Variants in CCNY observed in about 807,000 individuals in gnomAD.
The protein encoded by CCNY is cyclin-Y.
In CCNY, 19 loss-of-function variants were observed where a neutral mutation model predicts 42.8. The ratio of observed to expected loss-of-function variants is 0.44; its 90% CI spans 0.31 to 0.65. CCNY has a LOEUF of 0.65. Ranked by LOEUF, CCNY falls within the 30% of genes least tolerant of loss-of-function variation. The pLI, the probability that CCNY is intolerant of heterozygous loss-of-function variation, is 0.07. For synonymous variants in CCNY, 165 were observed against 162.7 expected (o/e 1.01, Z -0.11); for missense variants, 370 against 437.3 (o/e 0.85, Z 1.37).
intron 1 of CCNY, among the ~76,000 whole-genome samples, chr10:35,448,824 C>T (rs555979910): frequency 2.2e-4 from 34 of 152,124 alleles, no homozygotes; most frequent in African/African-American, 7.5e-4. Context: ...TTTGAGCAGA[C>T]GTGCTCCTAA....
intron 1 of CCNY, among the ~76,000 whole-genome samples, chr10:35,362,631 A>C (rs1165370452): frequency 6.6e-6 from 1 of 152,198 alleles, no homozygotes; most frequent in Non-Finnish European, 1.5e-5. Flanking sequence ...GTAAACTTTA[A>C]TGTCAAAAAT....
intron 3 of CCNY, among the ~76,000 whole-genome samples, chr10:35,510,239 A>C (rs201060418): frequency 2.6e-5 from 4 of 152,090 alleles, no homozygotes; most frequent in Non-Finnish European, 4.4e-5. Flanking sequence ...TTGTGAGACA[A>C]GGTTTCACTC....
rs754871952 is a variant in CCNY, at chr10:35,458,761, C to G, written c.155-24643C>G. 3.9e-4 allele frequency among the ~76,000 whole-genome samples: 59 copies of G among 152,212 alleles called. 1 individual carries two copies. The highest frequency in any genetic ancestry group is 1.5e-4 in the Non-Finnish European group (10 of 68,038). ...GAATTGTGTGCACTGAAACTCTTAA[C>G]CACTGCTCCCACGCCTGCCCATGCG... On this transcript the variant is annotated intron_variant, in intron 1 of 9. Transcript: ENST00000374704.
At chr10:35,313,354 G>A (rs1835712257) in intron 3 of CCNY, among the ~76,000 whole-genome samples, 1 of 152,136 alleles carries the variant, frequency 6.6e-6, no homozygotes, top group Non-Finnish European at 1.5e-5. Context: ...TTATATTAAG[G>A]CACTGAAGTA....
At chr10:35,515,391 A>G in intron 3 of CCNY, among the ~76,000 whole-genome samples, 1 of 152,218 alleles carries the variant, frequency 6.6e-6, no homozygotes. Context: ...AACATTGTTT[A>G]TATATTTCTC....
chr10:35,554,908 A>C (rs1841332321), intron 8 of CCNY, among the ~76,000 whole-genome samples: 1 of 152,250 alleles, frequency 6.6e-6, no homozygotes, highest in Non-Finnish European at 1.5e-5. Flanking sequence ...GGTGTGGAGG[A>C]GATGCCTTTT....
intron 1 of CCNY, chr10:35,347,594 A>G (rs115121224): frequency 5.3e-6 from 1 of 187,298 alleles, no homozygotes; most frequent in African/African-American, 2.4e-5. Flanking sequence ...GTTATTAAGG[A>G]TATTTTGTTT....
rs561146164 is a variant in CCNY at position 35,561,330 on chromosome 10, T to G, written c.747-4693T>G. Among the ~76,000 whole-genome samples the G allele has an allele frequency of 4.6e-5, 7 of 152,372 alleles. No homozygotes were observed. The East Asian group carries it at 1.3e-3, about 29-fold the overall frequency. ...GGCTCCATCCTATCAAGGGCTGCCC[T>G]GCTGCATTTTTCTATAATCCCATCA... On this transcript the variant is annotated intron_variant, in intron 8 of 9. Coordinates refer to ENST00000374704, the MANE Select transcript of CCNY (RefSeq NM_145012.6).
At chr10:35,259,861 A>G (rs2095718307) in intron 3 of CCNY, among the ~76,000 whole-genome samples, 1 of 149,950 alleles carries the variant, frequency 6.7e-6, no homozygotes. Flanking sequence ...GGCTCTTCTT[A>G]AGGAAATTTT....
Position 35,454,208 on chromosome 10 carries a change from T to C in CCNY, c.155-29196T>C, listed in dbSNP as rs537123866. The stretch of plus-strand genomic sequence containing the variant: ...CTGCCCAACGGCACGCAACTACCAG[T>C]GGTCAAGCTCGGACACAGTCACTTC... On this transcript the variant is annotated intron_variant, in intron 1 of 9. Coordinates refer to ENST00000374704, the MANE Select transcript of CCNY (RefSeq NM_145012.6). Among the ~76,000 whole-genome samples the C allele has an allele frequency of 2.0e-5, 3 of 152,276 alleles. 1 individual carries two copies. In the South Asian group the frequency reaches 6.2e-4, roughly 32 times the overall value.
chr10:35,256,529 C>T (rs1463946161), intron 3 of CCNY, among the ~76,000 whole-genome samples: 4 of 151,928 alleles, frequency 2.6e-5, no homozygotes, highest in African/African-American at 4.8e-5. Flanking sequence ...GTCAGGAGTT[C>T]AAGACCAGCC....
intron 1 of CCNY, among the ~76,000 whole-genome samples, chr10:35,415,018 C>A (rs1837995441): frequency 6.6e-6 from 1 of 152,170 alleles, no homozygotes; most frequent in Admixed American, 6.5e-5. Context: ...GCGGAGGGAA[C>A]AGCAGGAGCA....
intron 7 of CCNY, among the ~76,000 whole-genome samples, chr10:35,542,603 G>T (rs1312427136): frequency 1.3e-5 from 2 of 152,160 alleles, no homozygotes; most frequent in African/African-American, 2.4e-5. Flanking sequence ...AGTGGGGTTG[G>T]GTCTCAGCCT....
intron 1 of CCNY, among the ~76,000 whole-genome samples, chr10:35,381,367 C>G (rs924232419): frequency 3.3e-5 from 5 of 151,902 alleles, no homozygotes; most frequent in Non-Finnish European, 7.4e-5. Flanking sequence ...TGAGACCAGC[C>G]GGGCCAACAT....
intron 1 of CCNY, among the ~76,000 whole-genome samples, chr10:35,247,718 T>C (rs1184800432): frequency 1.3e-5 from 2 of 149,756 alleles, no homozygotes; most frequent in African/African-American, 2.5e-5. Context: ...CTACTAAAAA[T>C]ACAAAAAATT....
chr10:35,452,260 T>G (rs12570057), intron 1 of CCNY, among the ~76,000 whole-genome samples: 4 of 152,194 alleles, frequency 2.6e-5, no homozygotes, highest in African/African-American at 9.7e-5. Context: ...CTCAAGTGAT[T>G]GGAGTGATTT....
chr10:35,497,769 C>G (rs969998106), intron 2 of CCNY, among the ~76,000 whole-genome samples: 2 of 152,086 alleles, frequency 1.3e-5, no homozygotes, highest in South Asian at 2.1e-4. Flanking sequence ...TCTTATTCCC[C>G]CTATGGTAAT....
intron 3 of CCNY, among the ~76,000 whole-genome samples, chr10:35,278,283 C>G (rs1835261164): frequency 6.6e-6 from 1 of 152,086 alleles, no homozygotes; most frequent in South Asian, 2.1e-4. Flanking sequence ...ACTGAGGATG[C>G]CGTGGGCCTG....
At chr10:35,478,550 A>G (rs1318501792) in intron 1 of CCNY, among the ~76,000 whole-genome samples, 2 of 152,204 alleles carry the variant, frequency 1.3e-5, no homozygotes, top group African/African-American at 2.4e-5. Context: ...AGGATTCCCT[A>G]TTTAATAAAT....
Sources: allele counts gnomAD v4.1 joint callset (sites outside exome capture counted in the v4.1 genomes callset), GRCh38; gene constraint gnomAD v4.1.1; transcripts MANE v1.5; gene names NCBI Gene and HGNC (gene_info 2026-07-23, HGNC 2026-07-21).